TPPP: variants seen among roughly 807,000 people sequenced by gnomAD.
TPPP encodes tubulin polymerization-promoting protein.
Under a neutral mutation model 15.5 loss-of-function variants are expected in TPPP, and 6 were observed. That is an observed-to-expected ratio of 0.39 (90% CI 0.21 to 0.77). TPPP has a LOEUF of 0.77. Ranked by LOEUF, TPPP falls within the 30% of genes least tolerant of loss-of-function variation. TPPP has a pLI of 0.42. For synonymous variants in TPPP, 146 were observed against 133.9 expected, an observed-to-expected ratio of 1.09 and a Z score of -0.63; for missense variants, 269 against 307.2, an observed-to-expected ratio of 0.88 and a Z score of 0.93.
At chr5:677,700 G>A (rs1208662706) in intron 2 of TPPP, 50 bp downstream of exon 2, 16 of 1,485,482 alleles carry the variant, frequency 1.1e-5, no homozygotes, top group Middle Eastern at 1.8e-4. Context: ...GCTCAGGGCC[G>A]CAGACCCCCG....
At chr5:675,146 GC>G (rs1740366796) in intron 2 of TPPP, among the ~76,000 whole-genome samples, 1 of 144,986 alleles carries the variant, frequency 6.9e-6, no homozygotes, top group African/African-American at 2.6e-5. Context: ...GTGCAGTGTG[GC>G]CAGGGGTGCA....
At chr5:683,132 G>A (rs2126908937) in intron 1 of TPPP, among the ~76,000 whole-genome samples, 1 of 152,176 alleles carries the variant, frequency 6.6e-6, no homozygotes, top group Non-Finnish European at 1.5e-5. Flanking sequence ...TGCACCCGCT[G>A]ACCCCCAGAG....
chr5:697,042 G>A (rs1412495160), upstream of TPPP, among the ~76,000 whole-genome samples: 1 of 142,412 alleles, frequency 7.0e-6, no homozygotes, highest in African/African-American at 2.5e-5. Flanking sequence ...GTGTCTTTGT[G>A]TGCATGTGTG....
intron 2 of TPPP, 52 bp downstream of exon 2, chr5:677,698 C>A: frequency 6.7e-7 from 1 of 1,488,354 alleles, no homozygotes; most frequent in Non-Finnish European, 9.0e-7. Context: ...GGGCTCAGGG[C>A]CGCAGACCCC....
In TPPP at chr5:677,847, G is replaced by A. The variant is rs1301173646; in HGVS notation, c.214C>T (p.His72Tyr). Residue 72 changes from histidine (H) to tyrosine (Y), a missense_variant, in exon 2 of 4, where the codon CAC (histidine) becomes TAC (tyrosine). Physicochemically the swap from His to Tyr is moderately conservative, Grantham distance 83. Coordinates refer to ENST00000360578, the MANE Select transcript of TPPP (RefSeq NM_007030.3). ...CACAGCTTCGACCAGTTCTTGCCGTGCATCTCCCTCCCGGTGGCCCTGGCG... is the reference window on the plus strand; with the variant it reads ...CACAGCTTCGACCAGTTCTTGCCGTACATCTCCCTCCCGGTGGCCCTGGCG... ...GDARATGREM[H>Y]GKNWSKLCKD... 6 of 1,612,472 alleles carry A rather than the reference G, an allele frequency of 3.7e-6. No individual in the cohort carries two copies. Among genetic ancestry groups the A allele is most frequent in the East Asian group, 2.2e-5 (1 of 44,882 alleles).
chr5:691,844 C>CCA (rs1561095983), intron 1 of TPPP, among the ~76,000 whole-genome samples: 1 of 88,612 alleles, frequency 1.1e-5, no homozygotes, highest in African/African-American at 3.8e-5. Context: ...CAGCAGCCCT[C>CCA]AACCCCCATC....
At chr5:669,945 A>G (rs1037056032) in intron 2 of TPPP, among the ~76,000 whole-genome samples, 2 of 152,026 alleles carry the variant, frequency 1.3e-5, no homozygotes, top group Admixed American at 6.5e-5. Flanking sequence ...GGAGCCTCCG[A>G]GTGTGGAGCT....
rs1199793098 is a variant in TPPP, at chr5:669,724, C to T, written c.312-3601G>A. On this transcript the variant is annotated intron_variant, in intron 2 of 3. Coordinates refer to ENST00000360578, the MANE Select transcript of TPPP (RefSeq NM_007030.3). ...TTCAGATCCGGACACCTGCTCTGCG[C>T]GCTCCCCGAGTGTCTCGGGGAAAGG... 3.9e-5 allele frequency among the ~76,000 whole-genome samples: 6 copies of T among 152,018 alleles called. 1 individual carries two copies. The highest frequency in any genetic ancestry group is 8.8e-5 in the Non-Finnish European group (6 of 67,956).
At chr5:668,239 G>C (rs74764317) in intron 2 of TPPP, among the ~76,000 whole-genome samples, 6 of 78,036 alleles carry the variant, frequency 7.7e-5, no homozygotes, top group African/African-American at 3.4e-4. Context: ...CCGTGTGGGC[G>C]CCGTCAGGGA....
chr5:674,695 G>T (rs375116609), intron 2 of TPPP, among the ~76,000 whole-genome samples: 2 of 152,152 alleles, frequency 1.3e-5, no homozygotes, highest in East Asian at 3.9e-4. Context: ...GGCCCACACC[G>T]CATGGCCCGC....
At chr5:684,379 C>A (rs1167424183) in intron 1 of TPPP, among the ~76,000 whole-genome samples, 11 of 152,162 alleles carry the variant, frequency 7.2e-5, no homozygotes, top group Admixed American at 2.0e-4. Context: ...GCCTCCTGGG[C>A]CCACGCCGTG....
At position 663,478 on chromosome 5, in the gene TPPP, A is replaced by C. The variant is rs886505383; in HGVS notation, c.*1624T>G. 2.0e-5 allele frequency: 3 copies of C among 152,424 alleles called. No individual in the cohort carries two copies. The highest frequency in any genetic ancestry group is 7.2e-5 in the African/African-American group (3 of 41,476). 9.4% of individuals were successfully genotyped at this position (152,424 alleles called of 1,614,324 possible). A position where few individuals can be genotyped will look rare whatever the true frequency, so the allele number is the denominator to read the frequency against. ...CCAGGTCCTCCCCATCCTCAGGTGG[A>C]GGCTTCTCTGTTGAGGGGCCTCGGA... is the stretch of plus-strand genomic sequence containing the variant. On this transcript the variant is annotated 3_prime_UTR_variant, in exon 4 of 4. Coordinates refer to ENST00000360578, the MANE Select transcript of TPPP (RefSeq NM_007030.3).
At chr5:679,395 G>C (rs391606) in intron 1 of TPPP, among the ~76,000 whole-genome samples, 1 of 120,958 alleles carries the variant, frequency 8.3e-6, no homozygotes, top group Middle Eastern at 4.3e-3. Flanking sequence ...GCTGGGCCGC[G>C]TGGGGGCAGG....
At chr5:693,645 G>C (rs1327803680), upstream of TPPP, among the ~76,000 whole-genome samples, 24 of 151,646 alleles carry the variant, frequency 1.6e-4, no homozygotes, top group African/African-American at 5.6e-4. Context: ...GGGGGCGGCG[G>C]GGCCCCTCAC....
chr5:697,682 G>A (rs572447888), upstream of TPPP, among the ~76,000 whole-genome samples: 1 of 152,034 alleles, frequency 6.6e-6, no homozygotes, highest in Non-Finnish European at 1.5e-5. Context: ...ACTGCCAGAA[G>A]TGGCTTCACT....
At position 678,039 on chromosome 5, in the gene TPPP, C is replaced by T; in HGVS notation, c.22G>A (p.Ala8Thr). MADKAKP[A>T]KAANRTPPKS... ...GGGGGCGTCCTGTTGGCAGCTTTGG[C>T]AGGCTTGGCCTTGTCAGCCATGTTG... Residue 8 changes from alanine to threonine, a missense_variant, in exon 2 of 4, where the codon GCC becomes ACC. By Grantham distance (58) the Ala-to-Thr change is moderately conservative. Transcript: ENST00000360578. 2.5e-6 allele frequency: 4 copies of T among 1,579,202 alleles called. No homozygotes were observed. The highest frequency in any genetic ancestry group is 3.4e-6 in the Non-Finnish European group (4 of 1,162,900).
At chr5:696,916 GTC>G (rs1275749924), upstream of TPPP, among the ~76,000 whole-genome samples, 6 of 150,528 alleles carry the variant, frequency 4.0e-5, no homozygotes, top group East Asian at 1.9e-4. Context: ...GTGTGCCTGT[GTC>G]TCTGTGTGTG....
Position 665,148 on chromosome 5 carries a change from T to C in TPPP, c.614A>G (p.Tyr205Cys). The C allele has an allele frequency of 6.2e-6, 10 of 1,613,254 alleles. No homozygotes were observed. The highest frequency in any genetic ancestry group is 8.5e-6 in the Non-Finnish European group (10 of 1,179,974). Residue 205 changes from tyrosine to cysteine, a missense_variant, in exon 4 of 4, where the codon TAC becomes TGC. By Grantham distance (194) the Tyr-to-Cys change is radical. Coordinates refer to ENST00000360578, the MANE Select transcript of TPPP (RefSeq NM_007030.3). Reference sequence around the variant, plus strand: ...CTGGTCGTAGGTGCCTGCGTGCTTGTAGCCGGACACATAGCCTGACTCGTC... The same window carrying C: ...CTGGTCGTAGGTGCCTGCGTGCTTGCAGCCGGACACATAGCCTGACTCGTC... ...LVDESGYVSG[Y>C]KHAGTYDQKV...
At chr5:700,023 A>T in the TPPP span, among the ~76,000 whole-genome samples, 5 of 152,024 alleles carry the variant, frequency 3.3e-5, no homozygotes, top group Non-Finnish European at 7.4e-5. Flanking sequence ...ATCTTTCTGG[A>T]AAACAGTATG....
Sources: allele counts gnomAD v4.1 joint callset (sites outside exome capture counted in the v4.1 genomes callset), GRCh38; gene constraint gnomAD v4.1.1; transcripts MANE v1.5; gene names NCBI Gene and HGNC (gene_info 2026-07-23, HGNC 2026-07-21).